The following TENM2 variants were observed in gnomAD, a reference collection of about 807,000 sequenced individuals.
TENM2 encodes teneurin-2.
TENM2 carries 52 observed loss-of-function variants against 245.2 expected under a neutral mutation model. The ratio of observed to expected loss-of-function variants is 0.21; its 90% confidence interval spans 0.17 to 0.27. TENM2 has a LOEUF of 0.27. Ranked by LOEUF, TENM2 falls within the 10% of genes least tolerant of loss-of-function variation. The pLI is 1.00. For missense variants in TENM2, 3,046 were observed against 3,666.8 expected (o/e 0.83, Z 4.37); for synonymous variants, 1,363 against 1,438.9 (o/e 0.95, Z 1.19).
chr5:168,251,938 C>G (rs1767145742), intron 27 of TENM2, among the ~76,000 whole-genome samples: 1 of 152,218 alleles, frequency 6.6e-6, no homozygotes, highest in Non-Finnish European at 1.5e-5. Flanking sequence ...CACAAATTAG[C>G]CTCCAGGAGC....
chr5:167,224,443 G>T, the TENM2 span, among the ~76,000 whole-genome samples: 10 of 152,124 alleles, frequency 6.6e-5, no homozygotes, highest in Admixed American at 3.3e-4. Flanking sequence ...ATTGAAGAAG[G>T]TGTTCTTTCC....
At chr5:167,033,325 G>A in the TENM2 span, among the ~76,000 whole-genome samples, 4 of 152,320 alleles carry the variant, frequency 2.6e-5, no homozygotes, top group East Asian at 3.9e-4. Context: ...CATTGCTGAT[G>A]TACAGATATT....
chr5:168,086,410 G>A (rs1792461804), intron 7 of TENM2, among the ~76,000 whole-genome samples: 1 of 152,220 alleles, frequency 6.6e-6, no homozygotes, highest in Admixed American at 6.5e-5. Context: ...TTTGGGGTAT[G>A]ACTGATGACT....
At chr5:167,653,579 G>C (rs774819981) in intron 2 of TENM2, 1 of 151,632 alleles carries the variant, frequency 6.6e-6, no homozygotes, top group African/African-American at 2.4e-5. Flanking sequence ...TCAGTATCTG[G>C]TCCGTATTTA....
chr5:168,218,178 G>A lies in TENM2; in HGVS notation c.4287G>A (p.Leu1429=), dbSNP rs772312408. The change falls in exon 23 of 29, where the codon TTG becomes TTA. Residue 1429 remains leucine, a synonymous_variant. Transcript: ENST00000518659. The surrounding 1 kb of genome is among the most constrained non-coding windows in gnomAD (Gnocchi z 5.2). ...CTGTCAATCCCATGGATAACTCCTTGTATGTTCTAGAGAACAATGTCATCC... is the reference window on the plus strand; with the variant it reads ...CTGTCAATCCCATGGATAACTCCTTATATGTTCTAGAGAACAATGTCATCC... 2 of 1,613,848 alleles carry A rather than the reference G, an allele frequency of 1.2e-6. No homozygotes were observed. The highest frequency in any genetic ancestry group is 1.1e-5 in the South Asian group (1 of 91,056).
chr5:167,911,281 C>T (rs373972297), intron 3 of TENM2, among the ~76,000 whole-genome samples: 10 of 152,310 alleles, frequency 6.6e-5, no homozygotes, highest in African/African-American at 2.4e-4. Context: ...ACTCCCAGCA[C>T]TTTGGGAGGC....
At chr5:167,459,911 A>AACACACACACAC (rs57053799) in intron 2 of TENM2, among the ~76,000 whole-genome samples, 2 of 149,572 alleles carry the variant, frequency 1.3e-5, no homozygotes, top group Admixed American at 1.3e-4. Context: ...TATAAAGATA[A>AACACACACACAC]ACACACACAC....
intron 2 of TENM2, among the ~76,000 whole-genome samples, chr5:167,812,140 A>G (rs1766690159): frequency 1.3e-5 from 2 of 152,206 alleles, no homozygotes; most frequent in African/African-American, 2.4e-5. Flanking sequence ...ATAAAGACTT[A>G]AAGTGCTACA....
At chr5:168,161,581 G>A (rs1423349503) in intron 12 of TENM2, among the ~76,000 whole-genome samples, 1 of 152,086 alleles carries the variant, frequency 6.6e-6, no homozygotes. Context: ...TGTGAGTGTG[G>A]CCACATCCTA....
At position 167,781,592 on chromosome 5, in the gene TENM2, A is replaced by C. The variant is rs79730819; in HGVS notation, c.503-94394A>C. On this transcript the variant is annotated intron_variant, in intron 2 of 28. Coordinates refer to ENST00000518659, the Ensembl canonical transcript of TENM2. ...AGAGGTAATGTGACTTCGTTTGCTG[A>C]GAAAAGAAAGAATAAATGAAAGTGA... Among the ~76,000 whole-genome samples, 29 of 152,288 alleles carry C rather than the reference A, an allele frequency of 1.9e-4. 1 individual carries two copies. The East Asian group carries it at 5.6e-3, about 29-fold the overall frequency.
the TENM2 span, among the ~76,000 whole-genome samples, chr5:167,188,278 A>G: frequency 5.3e-5 from 8 of 152,190 alleles, no homozygotes; most frequent in African/African-American, 1.7e-4. Context: ...ATTAGAAGGT[A>G]GTCTCGCTAG....
At chr5:167,783,801 GC>G (rs1764372222) in intron 2 of TENM2, among the ~76,000 whole-genome samples, 1 of 152,118 alleles carries the variant, frequency 6.6e-6, no homozygotes, top group East Asian at 1.9e-4. Context: ...TGGTGTGGGA[GC>G]CCTGGGCTCC....
the TENM2 span, among the ~76,000 whole-genome samples, chr5:167,204,200 G>A: frequency 6.6e-6 from 1 of 150,460 alleles, no homozygotes; most frequent in African/African-American, 2.4e-5. Context: ...AAAGAAATAA[G>A]GGGTAATGGC....
chr5:168,157,081 G>A (rs547214112), intron 12 of TENM2, among the ~76,000 whole-genome samples: 8 of 152,276 alleles, frequency 5.3e-5, no homozygotes, highest in Admixed American at 6.5e-5. Flanking sequence ...GTGATACAGC[G>A]GGGCGGGTAG....
chr5:168,183,335 G>A (rs1263464801), intron 13 of TENM2, among the ~76,000 whole-genome samples: 1 of 152,024 alleles, frequency 6.6e-6, no homozygotes, highest in Admixed American at 6.5e-5. Context: ...GTGCTGACCT[G>A]CTGATTTGGG....
chr5:167,392,499 C>T lies in TENM2; in HGVS notation c.502+17026C>T, dbSNP rs543846587. Among the ~76,000 whole-genome samples, 13 of 152,192 alleles carry T rather than the reference C, an allele frequency of 8.5e-5. No homozygotes were observed. In the East Asian group the frequency reaches 1.7e-3, roughly 20 times the overall value. On this transcript the variant is annotated intron_variant, in intron 2 of 28. Coordinates refer to ENST00000518659, the Ensembl canonical transcript of TENM2. The stretch of plus-strand genomic sequence containing the variant: ...TGGCTGATTGTTTAAAGTGGGACAG[C>T]GGTTTTCTCCTGCCGTCAGCATTTC...
the TENM2 span, among the ~76,000 whole-genome samples, chr5:167,264,579 C>T: frequency 2.0e-5 from 3 of 152,164 alleles, no homozygotes; most frequent in African/African-American, 7.2e-5. Flanking sequence ...CAATTGAGCA[C>T]AAGCCCTCAC....
chr5:167,954,300 G>A (rs577017795), intron 4 of TENM2, among the ~76,000 whole-genome samples: 16 of 151,944 alleles, frequency 1.1e-4, no homozygotes, highest in African/African-American at 3.1e-4. Flanking sequence ...AAACTAACAC[G>A]AAAAATCTGT....
At chr5:167,424,364 G>A (rs925170154) in intron 2 of TENM2, among the ~76,000 whole-genome samples, 1 of 151,878 alleles carries the variant, frequency 6.6e-6, no homozygotes, top group Middle Eastern at 3.2e-3. Context: ...GCTCTTTCAG[G>A]GCTTGGCCTG....
Sources: allele counts gnomAD v4.1 joint callset (sites outside exome capture counted in the v4.1 genomes callset), GRCh38; gene constraint gnomAD v4.1.1; non-coding constraint Gnocchi (gnomAD v3.1); transcripts MANE v1.5; gene names NCBI Gene and HGNC (gene_info 2026-07-23, HGNC 2026-07-21).